Variants in ZNF334 observed in about 807,000 individuals in gnomAD.
ZNF334 encodes the protein zinc finger protein 334.
Under a neutral mutation model 12.4 loss-of-function variants are expected in ZNF334, and 14 were observed. The observed-to-expected ratio is 1.13, with a 90% CI of 0.74 to 1.76. The LOEUF (loss-of-function observed/expected upper bound fraction) is 1.76, where lower values mean the gene tolerates loss of function less well. Among genes scored for constraint, ZNF334 ranks in the 40% most tolerant of loss-of-function variants. The pLI is 0.00. For synonymous variants in ZNF334, 273 were observed against 269.6 expected (o/e 1.01, Z -0.12); for missense variants, 797 against 804.5 (o/e 0.99, Z 0.11).
Position 46,502,667 on chromosome 20 carries a change from G to A in ZNF334, c.672C>T (p.Leu224=). Reference sequence around the variant, plus strand: ...CAGTCTGTCTCCCCTTTTGTGTAATGAGAATTGCCCTCTTGAAGAAGGTTT... The same window carrying A: ...CAGTCTGTCTCCCCTTTTGTGTAATAAGAATTGCCCTCTTGAAGAAGGTTT... ...CGKTFFKRAI[L]ITQKGRQTER... is the part of the protein sequence containing the mutation. Residue 224 remains leucine (L), a synonymous_variant, in exon 5 of 5, where the codon CTC becomes CTT. Coordinates refer to ENST00000692313, the MANE Select transcript of ZNF334 (RefSeq NM_001353824.2). 2 of 1,612,588 alleles carry A rather than the reference G, an allele frequency of 1.2e-6. No individual in the cohort carries two copies. Among genetic ancestry groups the A allele is most frequent in the Non-Finnish European group, 1.7e-6 (2 of 1,179,962 alleles).
the ZNF334 span, chr20:46,465,108 C>A: frequency 3.9e-6 from 1 of 254,398 alleles, no homozygotes. Flanking sequence ...CACAAAATAC[C>A]AGCAGGTGAC....
At position 46,502,496 on chromosome 20, in the gene ZNF334, A is replaced by G. The variant is rs1207753793; in HGVS notation, c.843T>C (p.Thr281=). The G allele has an allele frequency of 1.2e-6, 2 of 1,613,468 alleles. No individual in the cohort carries two copies. The highest frequency in any genetic ancestry group is 8.5e-7 in the Non-Finnish European group (1 of 1,179,712). The change falls in exon 5 of 5, where the codon ACT becomes ACC. Residue 281 remains threonine (T), a synonymous_variant. Coordinates refer to ENST00000692313, the MANE Select transcript of ZNF334 (RefSeq NM_001353824.2). The part of the protein sequence containing the change: ...RKTFRVKTSL[T]RHRRIHTGER... ...CTCCAGTATGAATTCTTCGGTGTCG[A>G]GTGAGGCTTGTCTTCACACGAAAAG...
chr20:46,490,048 G>A, the ZNF334 span, among the ~76,000 whole-genome samples: 1 of 152,102 alleles, frequency 6.6e-6, no homozygotes, highest in Non-Finnish European at 1.5e-5. Context: ...TAGAACTCAT[G>A]ACACCACAGT....
Position 46,504,136 on chromosome 20 carries a change from C to T in ZNF334, c.241+78G>A, listed in dbSNP as rs761175384. On this transcript the variant is annotated intron_variant, in intron 4 of 4. Transcript: ENST00000692313. The stretch of plus-strand genomic sequence containing the variant: ...AAAAAGAAATTCATGAAAAACATTA[C>T]GATGCCAACTATTACCACCGACCAC... 108 of 977,016 alleles carry T rather than the reference C, an allele frequency of 1.1e-4. No individual in the cohort carries two copies. In the Middle Eastern group the frequency reaches 4.0e-3, roughly 36 times the overall value. 60.5% of individuals were successfully genotyped at this position (977,016 alleles called of 1,614,324 possible).
the ZNF334 span, chr20:46,492,724 A>C: frequency 1.3e-5 from 2 of 152,256 alleles, no homozygotes; most frequent in African/African-American, 4.8e-5. Context: ...ATCTTAGTCG[A>C]AGCCTAATTC....
chr20:46,482,589 T>G, the ZNF334 span, among the ~76,000 whole-genome samples: 1 of 152,176 alleles, frequency 6.6e-6, no homozygotes, highest in Non-Finnish European at 1.5e-5. Context: ...AAAGACCTTT[T>G]TAATCATTAA....
chr20:46,504,512 TC>T (rs949171415), intron 3 of ZNF334, 101 bp downstream of exon 3: 1 of 1,401,016 alleles, frequency 7.1e-7, no homozygotes, highest in African/African-American at 1.4e-5. Context: ...ATCTTCTTGC[TC>T]CCCTGATGCT....
At chr20:46,504,151 C>A (rs528145413) in intron 4 of ZNF334, 63 bp downstream of exon 4, 5 of 1,175,544 alleles carry the variant, frequency 4.3e-6, no homozygotes, top group Non-Finnish European at 6.1e-6. Flanking sequence ...CCAACTATTA[C>A]CACCGACCAC....
At chr20:46,483,550 T>C in the ZNF334 span, among the ~76,000 whole-genome samples, 2 of 152,246 alleles carry the variant, frequency 1.3e-5, no homozygotes, top group Admixed American at 1.3e-4. Context: ...CATAGTCTCA[T>C]AGTCAGGGAG....
the ZNF334 span, among the ~76,000 whole-genome samples, chr20:46,467,184 A>T: frequency 1.7e-3 from 257 of 152,336 alleles, no homozygotes; most frequent in African/African-American, 5.7e-3. Context: ...TCCTGCTGGC[A>T]AGAATATAAA....
chr20:46,482,761 A>C, the ZNF334 span, among the ~76,000 whole-genome samples: 1 of 152,126 alleles, frequency 6.6e-6, no homozygotes, highest in Non-Finnish European at 1.5e-5. Context: ...TATTCTGTAA[A>C]TTTTTAAGTT....
At chr20:46,476,990 C>A in the ZNF334 span, 1 of 152,152 alleles carries the variant, frequency 6.6e-6, no homozygotes, top group Non-Finnish European at 1.5e-5. Flanking sequence ...GATGGGATTT[C>A]AAGATACTGA....
intron 2 of ZNF334, among the ~76,000 whole-genome samples, chr20:46,507,646 T>C (rs1284911325): frequency 3.3e-5 from 5 of 152,212 alleles, no homozygotes; most frequent in Non-Finnish European, 7.4e-5. Flanking sequence ...TGCAGACACC[T>C]GGGCTTTGGC....
At chr20:46,476,904 C>T in the ZNF334 span, 1 of 152,206 alleles carries the variant, frequency 6.6e-6, no homozygotes, top group Non-Finnish European at 1.5e-5. Context: ...CAAACGGTCT[C>T]ACCATGTGAT....
At chr20:46,474,097 G>C in the ZNF334 span, among the ~76,000 whole-genome samples, 1 of 152,170 alleles carries the variant, frequency 6.6e-6, no homozygotes, top group African/African-American at 2.4e-5. Flanking sequence ...AGTCAAGGCC[G>C]GGCGCTGTGG....
At chr20:46,469,082 A>C in the ZNF334 span, among the ~76,000 whole-genome samples, 1 of 152,200 alleles carries the variant, frequency 6.6e-6, no homozygotes, top group African/African-American at 2.4e-5. Context: ...CTAATATTTT[A>C]CTTTTTTTAT....
the ZNF334 span, chr20:46,485,003 AC>A: frequency 2.3e-4 from 39 of 167,152 alleles, no homozygotes; most frequent in Non-Finnish European, 4.8e-4. Context: ...TTCTTAGGAA[AC>A]TGGACTTATA....
intron 2 of ZNF334, among the ~76,000 whole-genome samples, chr20:46,509,325 T>C (rs1359991503): frequency 1.3e-5 from 2 of 152,202 alleles, no homozygotes; most frequent in African/African-American, 4.8e-5. Flanking sequence ...GGCAAGGACT[T>C]GGTCTGCATC....
At chr20:46,508,396 AAACAC>A (rs2061514435) in intron 2 of ZNF334, among the ~76,000 whole-genome samples, 1 of 152,252 alleles carries the variant, frequency 6.6e-6, no homozygotes, top group East Asian at 1.9e-4. Context: ...ATTGCTCTGT[AAACAC>A]ATAGTCTGTG....
Sources: allele counts gnomAD v4.1 joint callset (sites outside exome capture counted in the v4.1 genomes callset), GRCh38; gene constraint gnomAD v4.1.1; transcripts MANE v1.5; gene names NCBI Gene and HGNC (gene_info 2026-07-23, HGNC 2026-07-21).